Variants in CLEC4D observed in about 807,000 individuals in gnomAD.
The protein encoded by CLEC4D is C-type lectin domain family 4 member D.
A neutral mutation model predicts 21.1 loss-of-function variants in CLEC4D; 21 were observed. The ratio of observed to expected loss-of-function variants is 1.00; its 90% confidence interval spans 0.71 to 1.43. CLEC4D has a LOEUF of 1.43. Among genes scored for constraint, CLEC4D ranks in the 40% most tolerant of loss-of-function variants. The pLI is 0.00. For missense variants in CLEC4D, 289 were observed against 260.7 expected (o/e 1.11, Z -0.75); for synonymous variants, 85 against 83.1 (o/e 1.02, Z -0.12).
intron 1 of CLEC4D, 104 bp downstream of exon 1, chr12:8,513,864 G>T (rs1940341283): frequency 2.9e-6 from 2 of 697,792 alleles, no homozygotes; most frequent in Non-Finnish European, 5.1e-6. Flanking sequence ...TGATGACGGG[G>T]AGAAGGAGGT....
chr12:8,525,090 G>T (rs974890987), downstream of CLEC4D, among the ~76,000 whole-genome samples: 1 of 151,980 alleles, frequency 6.6e-6, no homozygotes, highest in Non-Finnish European at 1.5e-5. Context: ...CAGTTCTTTC[G>T]CATTTGCTGA....
intron 1 of CLEC4D, 37 bp from the exon 2 acceptor site, chr12:8,515,199 G>A (rs755642561): frequency 1.1e-6 from 1 of 942,988 alleles, no homozygotes; most frequent in Non-Finnish European, 1.8e-6. Context: ...GCTTGTAGCT[G>A]AGAGGAGGTT....
intron 2 of CLEC4D, among the ~76,000 whole-genome samples, chr12:8,517,708 A>G (rs1940399275): frequency 1.3e-5 from 2 of 152,168 alleles, no homozygotes; most frequent in South Asian, 2.1e-4. Context: ...GCACTTTGGG[A>G]GGCCGAGGCA....
the CLEC4D span, among the ~76,000 whole-genome samples, chr12:8,529,730 G>A: frequency 6.6e-6 from 1 of 152,180 alleles, no homozygotes; most frequent in African/African-American, 2.4e-5. Context: ...ATTCATACCA[G>A]TGCAAATGTT....
chr12:8,521,200 G>A lies in CLEC4D; in HGVS notation c.577G>A (p.Ala193Thr). The change falls in exon 6 of 6, where the codon GCC becomes ACC. Residue 193 changes from alanine (A) to threonine (T), a missense_variant. Transcript: ENST00000299665. ...VVLVYNQDKWAWNDVPCNFEA... is the reference protein window; with the variant it reads ...VVLVYNQDKWTWNDVPCNFEA... ...TCTTGTTTATAACCAAGATAAATGG[G>A]CCTGGAATGATGTTCCTTGTAACTT... The A allele has an allele frequency of 1.2e-6, 2 of 1,613,658 alleles. No individual in the cohort carries two copies. Among genetic ancestry groups the A allele is most frequent in the Non-Finnish European group, 8.5e-7 (1 of 1,179,718 alleles).
At chr12:8,520,580 A>G (rs1292093432) in intron 5 of CLEC4D, among the ~76,000 whole-genome samples, 1 of 152,246 alleles carries the variant, frequency 6.6e-6, no homozygotes, top group African/African-American at 2.4e-5. Flanking sequence ...TAGAAGTGAT[A>G]TAAAATTTGT....
rs144228025 is a variant in CLEC4D, at chr12:8,521,225, T to C, written c.602T>C (p.Phe201Ser). 43 of 1,613,298 alleles carry C rather than the reference T, an allele frequency of 2.7e-5. No homozygotes were observed. The African/African-American group carries it at 5.3e-4, about 20-fold the overall frequency. Residue 201 changes from phenylalanine (F) to serine (S), a missense_variant, in exon 6 of 6, where the codon TTT becomes TCT. Physicochemically the swap from Phe to Ser is radical, Grantham distance 155. Transcript: ENST00000299665. Reference protein sequence around the residue: ...KWAWNDVPCNFEASRICKIPG... With the variant: ...KWAWNDVPCNSEASRICKIPG... ...GCCTGGAATGATGTTCCTTGTAACT[T>C]TGAAGCAAGTAGGATTTGTAAAATA...
chr12:8,517,958 G>T (rs978443586), intron 2 of CLEC4D, among the ~76,000 whole-genome samples: 1 of 152,066 alleles, frequency 6.6e-6, no homozygotes, highest in Non-Finnish European at 1.5e-5. Context: ...AAAAAAAAAG[G>T]ACAATATGAT....
At chr12:8,516,559 G>A (rs1940384180) in intron 2 of CLEC4D, among the ~76,000 whole-genome samples, 1 of 152,216 alleles carries the variant, frequency 6.6e-6, no homozygotes, top group Non-Finnish European at 1.5e-5. Context: ...AGACACCTTT[G>A]CAAACATAAC....
At chr12:8,519,362 G>A (rs1350269408) in intron 4 of CLEC4D, among the ~76,000 whole-genome samples, 1 of 152,060 alleles carries the variant, frequency 6.6e-6, no homozygotes, top group Non-Finnish European at 1.5e-5. Flanking sequence ...ATTTCCTCCA[G>A]AAAGCTACCC....
intron 3 of CLEC4D, 71 bp downstream of exon 3, chr12:8,518,345 G>A (rs768012011): frequency 1.4e-6 from 1 of 732,926 alleles, no homozygotes; most frequent in Non-Finnish European, 2.4e-6. Context: ...CTGAAGGAAT[G>A]TCAGTAGTGA....
chr12:8,513,722 C>T lies in CLEC4D; in HGVS notation c.-11C>T. Reference sequence around the variant, plus strand: ...GCCGTCCTGACCATTGAACAAGAGACTAATTAGACAATGGGGCTAGAAAAA... The same window carrying T: ...GCCGTCCTGACCATTGAACAAGAGATTAATTAGACAATGGGGCTAGAAAAA... On this transcript the variant is annotated 5_prime_UTR_variant, in exon 1 of 6. Coordinates refer to ENST00000299665, the MANE Select transcript of CLEC4D (RefSeq NM_080387.5). 9.2e-7 allele frequency: 1 copy of T among 1,089,640 alleles called. No homozygotes were observed. The highest frequency in any genetic ancestry group is 1.4e-6 in the Non-Finnish European group (1 of 702,596). 67.5% of individuals were successfully genotyped at this position (1,089,640 alleles called of 1,614,324 possible).
At chr12:8,519,855 G>T (rs1454976844) in intron 4 of CLEC4D, among the ~76,000 whole-genome samples, 1 of 152,106 alleles carries the variant, frequency 6.6e-6, no homozygotes, top group African/African-American at 2.4e-5. Flanking sequence ...CAATGTATAG[G>T]TTCGGTAATT....
intron 2 of CLEC4D, among the ~76,000 whole-genome samples, chr12:8,517,403 C>T (rs2136385554): frequency 6.6e-6 from 1 of 151,858 alleles, no homozygotes; most frequent in Non-Finnish European, 1.5e-5. Context: ...CACCCAGTAA[C>T]TCATCAGTTA....
intron 1 of CLEC4D, 74 bp from the exon 2 acceptor site, chr12:8,515,162 T>C: frequency 1.2e-6 from 1 of 809,572 alleles, no homozygotes; most frequent in Non-Finnish European, 2.2e-6. Flanking sequence ...ACTTTTAGAT[T>C]GCTCCTTGGT....
chr12:8,524,949 G>T (rs1310233879), downstream of CLEC4D, among the ~76,000 whole-genome samples: 3 of 151,948 alleles, frequency 2.0e-5, no homozygotes, highest in African/African-American at 7.3e-5. Context: ...CCTTAATTTC[G>T]TTATTTACTC....
Position 8,522,089 on chromosome 12 carries a change from G to A in CLEC4D, c.*818G>A, listed in dbSNP as rs187191229. On this transcript the variant is annotated 3_prime_UTR_variant, in exon 6 of 6. Coordinates refer to ENST00000299665, the MANE Select transcript of CLEC4D (RefSeq NM_080387.5). ...CACAGGAAGTTACTGGGGATTACTCGACCTCATTACTTAGCTAACGACTGG... is the reference window on the plus strand; with the variant it reads ...CACAGGAAGTTACTGGGGATTACTCAACCTCATTACTTAGCTAACGACTGG... The A allele has an allele frequency of 2.6e-5, 4 of 152,072 alleles. No homozygotes were observed. Among genetic ancestry groups the A allele is most frequent in the Non-Finnish European group, 5.9e-5 (4 of 67,990 alleles). The allele number at this position is 152,072 out of a possible 1,614,324, so 9.4% of individuals were successfully genotyped here.
the CLEC4D span, among the ~76,000 whole-genome samples, chr12:8,528,897 T>C: frequency 6.6e-6 from 1 of 151,584 alleles, no homozygotes; most frequent in African/African-American, 2.4e-5. Context: ...AATAAACATA[T>C]AATTACATAC....
At chr12:8,531,004 C>T in the CLEC4D span, among the ~76,000 whole-genome samples, 567 of 152,324 alleles carry the variant, frequency 3.7e-3, 8 homozygotes, top group African/African-American at 0.013. Context: ...ATCCACCTCA[C>T]CCTGCCCGGT....
Sources: gnomAD v4.1 joint callset for allele counts (sites outside exome capture counted in the v4.1 genomes callset) on GRCh38, gnomAD v4.1.1 for gene constraint, MANE v1.5 for transcripts, NCBI Gene and HGNC (gene_info 2026-07-23, HGNC 2026-07-21) for gene names.